The following TMEM215 variants were observed in gnomAD, a reference collection of about 807,000 sequenced individuals.
The protein encoded by TMEM215 is transmembrane protein 215.
Under a neutral mutation model 14.7 loss-of-function variants are expected in TMEM215, and 12 were observed. The observed-to-expected ratio is 0.82, with a 90% CI of 0.52 to 1.33. TMEM215 has a LOEUF of 1.33. TMEM215 is among the 40% of genes most tolerant of loss of function. TMEM215 has a pLI of 0.00. For synonymous variants in TMEM215, 122 were observed against 124.8 expected (o/e 0.98, Z 0.15); for missense variants, 276 against 296.2 (o/e 0.93, Z 0.50).
rs115094141 is a variant in TMEM215 at position 32,784,267 on chromosome 9, C to T, written c.84C>T (p.Thr28=). 1,651 of 1,614,176 alleles carry T rather than the reference C, an allele frequency of 1.0e-3. 21 individuals are homozygous for T. The African/African-American group carries it at 0.019, about 18-fold the overall frequency. ...TCCTCGTCTTTGGTTTCATGTTCAC[C>T]GTCTCTGGGATGAAAGGGGAGACTT... The part of the protein sequence containing the change: ...SVFLVFGFMF[T]VSGMKGETLG... The change falls in exon 2 of 2, where the codon ACC becomes ACT. Residue 28 remains threonine, a synonymous_variant. Transcript: ENST00000342743.
rs1824492304 is a variant in TMEM215 at position 32,785,142 on chromosome 9, T to C, written c.*251T>C. The C allele has an allele frequency of 4.1e-6, 2 of 482,910 alleles. No homozygotes were observed. Among genetic ancestry groups the C allele is most frequent in the Middle Eastern group, 5.7e-4 (1 of 1,766 alleles). 29.9% of individuals were successfully genotyped at this position (482,910 alleles called of 1,614,324 possible). On this transcript the variant is annotated 3_prime_UTR_variant, in exon 2 of 2. Transcript: ENST00000342743. ...AAAGGAAGCTACTCCAGTTGCTTCT[T>C]AACAATTTACACAATGTTAAATGTT... is the stretch of plus-strand genomic sequence containing the variant.
Position 32,786,023 on chromosome 9 carries a change from TAA to T in TMEM215, c.*1135_*1136del, listed in dbSNP as rs1824502968. ...CACCTGATCAGTGAACATTACATGA[TAA>T]AAGTCTCTTTATTTCATACATTTTT... On this transcript the variant is annotated 3_prime_UTR_variant, in exon 2 of 2. Transcript: ENST00000342743. 6.0e-6 allele frequency: 1 copy of T among 167,002 alleles called. No individual in the cohort carries two copies. The allele number at this position is 167,002 out of a possible 1,614,324, so 10.3% of individuals were successfully genotyped here.
At position 32,789,160 on chromosome 9, in the gene TMEM215, G is replaced by C. The variant is rs1446490444; in HGVS notation, c.*4269G>C. On this transcript the variant is annotated 3_prime_UTR_variant, in exon 2 of 2. Transcript: ENST00000342743. ...AGGATGGAAATGGGGACAAATGCTT[G>C]GTTTGCCCAAATATCTTAATAAAAG... 6.6e-6 allele frequency among the ~76,000 whole-genome samples: 1 copy of C among 152,124 alleles called. No individual in the cohort carries two copies. Among genetic ancestry groups the C allele is most frequent in the Non-Finnish European group, 1.5e-5 (1 of 68,020 alleles).
In TMEM215 at chr9:32,784,769, ATCT is replaced by A; in HGVS notation, c.591_593del (p.Phe198del). Reference sequence around the variant, plus strand: ...TGAGTGCCCTGAGCCTGAGGATAGCATCTTCTTTGTGCCCCAGGACAGTATCAT... The same window carrying A: ...TGAGTGCCCTGAGCCTGAGGATAGCATCTTTGTGCCCCAGGACAGTATCAT... On this transcript the variant is annotated inframe_deletion, in exon 2 of 2. Coordinates refer to ENST00000342743, the MANE Select transcript of TMEM215 (RefSeq NM_212558.3). 1 of 1,613,946 alleles carries A rather than the reference ATCT, an allele frequency of 6.2e-7. No homozygotes were observed. Among genetic ancestry groups the A allele is most frequent in the Non-Finnish European group, 8.5e-7 (1 of 1,180,024 alleles).
chr9:32,786,115 A>G lies in TMEM215; in HGVS notation c.*1224A>G, dbSNP rs1013577013. On this transcript the variant is annotated 3_prime_UTR_variant, in exon 2 of 2. Coordinates refer to ENST00000342743, the MANE Select transcript of TMEM215 (RefSeq NM_212558.3). ...ATGTGCTTTCTATTTCACTTGCTCA[A>G]CTGCAATAGATAAGAAGGCTATCAA... The G allele has an allele frequency of 7.2e-5, 12 of 167,104 alleles. No individual in the cohort carries two copies. In the South Asian group the frequency reaches 8.3e-4, roughly 12 times the overall value. The allele number at this position is 167,104 out of a possible 1,614,324, so 10.4% of individuals were successfully genotyped here.
rs1013922424 is a variant in TMEM215 at position 32,787,818 on chromosome 9, C to T, written c.*2927C>T. 1.3e-5 allele frequency among the ~76,000 whole-genome samples: 2 copies of T among 151,990 alleles called. No homozygotes were observed. The highest frequency in any genetic ancestry group is 6.6e-5 in the Admixed American group (1 of 15,262). ...TTGCTGTTAATCCAAGTAGACATTG[C>T]GACTTGATTCTGAATAGGCATTTTA... On this transcript the variant is annotated 3_prime_UTR_variant, in exon 2 of 2. Coordinates refer to ENST00000342743, the MANE Select transcript of TMEM215 (RefSeq NM_212558.3).
rs1383236482 is a variant in TMEM215 at position 32,789,012 on chromosome 9, T to A, written c.*4121T>A. On this transcript the variant is annotated 3_prime_UTR_variant, in exon 2 of 2. Transcript: ENST00000342743. ...CATCATATATTTTATAATAGATGTA[T>A]TTCATATGTATATGTATTGTCGCCT... Among the ~76,000 whole-genome samples the A allele has an allele frequency of 6.6e-6, 1 of 152,238 alleles. No individual in the cohort carries two copies.
intron 1 of TMEM215, 137 bp downstream of exon 1, chr9:32,783,942 G>T: frequency 2.0e-6 from 1 of 512,216 alleles, no homozygotes; most frequent in Non-Finnish European, 3.4e-6. Flanking sequence ...ATAGAAACAG[G>T]GAGAGATTGC....
In TMEM215 at chr9:32,784,853, C is replaced by G. The variant is rs1824488121; in HGVS notation, c.670C>G (p.Gln224Glu). The change falls in exon 2 of 2, where the codon CAG becomes GAG. Residue 224 changes from glutamine (Q) to glutamate (E), a missense_variant. Gln to Glu is a conservative substitution (Grantham distance 29). Coordinates refer to ENST00000342743, the MANE Select transcript of TMEM215 (RefSeq NM_212558.3). ...PYDRYCCYIN[Q>E]IQGRWDHETI... ...TGACAGATACTGTTGTTATATCAATCAGATACAAGGCAGGTGGGACCACGA... is the reference window on the plus strand; with the variant it reads ...TGACAGATACTGTTGTTATATCAATGAGATACAAGGCAGGTGGGACCACGA... The G allele has an allele frequency of 6.8e-6, 11 of 1,613,018 alleles. No homozygotes were observed. Among genetic ancestry groups the G allele is most frequent in the African/African-American group, 4.0e-5 (3 of 74,928 alleles).
chr9:32,784,654 G>C lies in TMEM215; in HGVS notation c.471G>C (p.Glu157Asp). 2 of 1,613,998 alleles carry C rather than the reference G, an allele frequency of 1.2e-6. No individual in the cohort carries two copies. The highest frequency in any genetic ancestry group is 1.7e-6 in the Non-Finnish European group (2 of 1,179,996). Residue 157 changes from glutamate to aspartate, a missense_variant, in exon 2 of 2, where the codon GAG (glutamate) becomes GAC (aspartate). Glu to Asp is a conservative substitution (Grantham distance 45). Transcript: ENST00000342743. ...TCGTCCAGAATGGGCATCAGGAGGA[G>C]ACGTCCAGATACCTGGACGGCTACT... Reference protein sequence around the residue: ...QSLVQNGHQEETSRYLDGYCP... With the variant: ...QSLVQNGHQEDTSRYLDGYCP...
Position 32,788,216 on chromosome 9 carries a change from C to T in TMEM215, c.*3325C>T, listed in dbSNP as rs1413983078. ...TATTTATTAATAGCCTCCCTCTGTA[C>T]CCATAACATCATTTATTTGGTGAAT... On this transcript the variant is annotated 3_prime_UTR_variant, in exon 2 of 2. Transcript: ENST00000342743. 6.6e-6 allele frequency among the ~76,000 whole-genome samples: 1 copy of T among 152,148 alleles called. No individual in the cohort carries two copies. Among genetic ancestry groups the T allele is most frequent in the Non-Finnish European group, 1.5e-5 (1 of 68,000 alleles).
rs2118243691 is a variant in TMEM215 at position 32,786,041 on chromosome 9, A to G, written c.*1150A>G. ...TACATGATAAAAGTCTCTTTATTTCATACATTTTTGCTGCTGAGGAAAACA... is the reference window on the plus strand; with the variant it reads ...TACATGATAAAAGTCTCTTTATTTCGTACATTTTTGCTGCTGAGGAAAACA... On this transcript the variant is annotated 3_prime_UTR_variant, in exon 2 of 2. Coordinates refer to ENST00000342743, the MANE Select transcript of TMEM215 (RefSeq NM_212558.3). 6.0e-6 allele frequency: 1 copy of G among 167,122 alleles called. No individual in the cohort carries two copies. The highest frequency in any genetic ancestry group is 6.5e-5 in the Admixed American group (1 of 15,316). The allele number at this position is 167,122 out of a possible 1,614,324, so 10.4% of individuals were successfully genotyped here.
rs1304731939 is a variant in TMEM215 at position 32,786,393 on chromosome 9, T to C, written c.*1502T>C. 1.2e-5 allele frequency: 2 copies of C among 167,018 alleles called. No homozygotes were observed. The highest frequency in any genetic ancestry group is 2.9e-5 in the Non-Finnish European group (2 of 68,076). 10.3% of individuals were successfully genotyped at this position (167,018 alleles called of 1,614,324 possible). ...AGCAATTGTTCTGTCTTAAGAATCA[T>C]GGTATTTTTAAAAAATCATAATTTT... On this transcript the variant is annotated 3_prime_UTR_variant, in exon 2 of 2. Transcript: ENST00000342743.
In TMEM215 at chr9:32,786,978, G is replaced by A. The variant is rs529625851; in HGVS notation, c.*2087G>A. 8.6e-4 allele frequency: 143 copies of A among 166,952 alleles called. No individual in the cohort carries two copies. The highest frequency in any genetic ancestry group is 1.7e-3 in the Non-Finnish European group (114 of 68,054). 10.3% of individuals were successfully genotyped at this position (166,952 alleles called of 1,614,324 possible). On this transcript the variant is annotated 3_prime_UTR_variant, in exon 2 of 2. Transcript: ENST00000342743. The stretch of plus-strand genomic sequence containing the variant: ...CAGAGAATCATATTTTTATAATGGT[G>A]AGAACTATGCAATAACTCTTTAGGA...
Position 32,783,979 on chromosome 9 carries a change from G to A in TMEM215, c.-58-147G>A. The stretch of plus-strand genomic sequence containing the variant: ...AGAGAAACGCAGAGAGAGAGATAGA[G>A]AGATTGCAAGAGAGATACAGAGACA... On this transcript the variant is annotated intron_variant, in intron 1 of 1. Coordinates refer to ENST00000342743, the MANE Select transcript of TMEM215 (RefSeq NM_212558.3). The A allele has an allele frequency of 1.0e-5, 6 of 583,206 alleles. No individual in the cohort carries two copies. The East Asian group carries it at 1.4e-4, about 14-fold the overall frequency. 36.1% of individuals were successfully genotyped at this position (583,206 alleles called of 1,614,324 possible).
In TMEM215 at chr9:32,785,675, T is replaced by A. The variant is rs1457147868; in HGVS notation, c.*784T>A. On this transcript the variant is annotated 3_prime_UTR_variant, in exon 2 of 2. Transcript: ENST00000342743. ...ATTCATGTATTATTTCCTTACCAGG[T>A]GCAACATTATTTGAAATGATACTTT... 1 of 166,686 alleles carries A rather than the reference T, an allele frequency of 6.0e-6. No individual in the cohort carries two copies. The highest frequency in any genetic ancestry group is 2.4e-5 in the African/African-American group (1 of 41,458). The allele number at this position is 166,686 out of a possible 1,614,324, so 10.3% of individuals were successfully genotyped here. A position where few individuals can be genotyped will look rare whatever the true frequency, so the allele number is the denominator to read the frequency against.
rs1824467189 is a variant in TMEM215 at position 32,783,786 on chromosome 9, GAGAGGGCAGGAA to G, written c.-76_-65del. Reference sequence around the variant, plus strand: ...GCCTGGCTTCTTTCCCTACTTCCTGGAGAGGGCAGGAAACCTCAGGTACCTCGTTGACCCCAG... The same window carrying G: ...GCCTGGCTTCTTTCCCTACTTCCTGGACCTCAGGTACCTCGTTGACCCCAG... On this transcript the variant is annotated 5_prime_UTR_variant, in exon 1 of 2. Coordinates refer to ENST00000342743, the MANE Select transcript of TMEM215 (RefSeq NM_212558.3). 1.2e-5 allele frequency: 2 copies of G among 170,314 alleles called. No individual in the cohort carries two copies. Among genetic ancestry groups the G allele is most frequent in the Non-Finnish European group, 2.5e-5 (2 of 80,092 alleles). The allele number at this position is 170,314 out of a possible 1,614,324, so 10.6% of individuals were successfully genotyped here. A position where few individuals can be genotyped will look rare whatever the true frequency, so the allele number is the denominator to read the frequency against.
Position 32,784,909 on chromosome 9 carries a change from G to C in TMEM215, c.*18G>C. 1 of 1,596,694 alleles carries C rather than the reference G, an allele frequency of 6.3e-7. No homozygotes were observed. The highest frequency in any genetic ancestry group is 8.6e-7 in the Non-Finnish European group (1 of 1,168,656). Reference sequence around the variant, plus strand: ...TCGTCTAATCTCTGCCTACAAAGGTGGCTGGATTGATAGAATATGACTAAG... The same window carrying C: ...TCGTCTAATCTCTGCCTACAAAGGTCGCTGGATTGATAGAATATGACTAAG... On this transcript the variant is annotated 3_prime_UTR_variant, in exon 2 of 2. Transcript: ENST00000342743.
rs2118249839 is a variant in TMEM215 at position 32,788,525 on chromosome 9, C to A, written c.*3634C>A. On this transcript the variant is annotated 3_prime_UTR_variant, in exon 2 of 2. Coordinates refer to ENST00000342743, the MANE Select transcript of TMEM215 (RefSeq NM_212558.3). ...ATGTTCCATAATTTATCATGCCATTCCTTATTGCTGGCAAGATACTAAGTT... is the reference window on the plus strand; with the variant it reads ...ATGTTCCATAATTTATCATGCCATTACTTATTGCTGGCAAGATACTAAGTT... Among the ~76,000 whole-genome samples the A allele has an allele frequency of 6.6e-6, 1 of 152,266 alleles. No homozygotes were observed. Among genetic ancestry groups the A allele is most frequent in the East Asian group, 1.9e-4 (1 of 5,188 alleles).
Sources: gnomAD v4.1 joint callset for allele counts (sites outside exome capture counted in the v4.1 genomes callset) on GRCh38, gnomAD v4.1.1 for gene constraint, MANE v1.5 for transcripts, NCBI Gene and HGNC (gene_info 2026-07-23, HGNC 2026-07-21) for gene names.